Variants in VSTM2B observed in about 807,000 individuals in gnomAD.
VSTM2B encodes the protein V-set and transmembrane domain-containing protein 2B.
A neutral mutation model predicts 24.0 loss-of-function variants in VSTM2B; 24 were observed. That is an observed-to-expected ratio of 1.00 (90% CI 0.72 to 1.40). The LOEUF is 1.40. VSTM2B is among the 40% of genes most tolerant of loss of function. The pLI, the probability that VSTM2B is intolerant of heterozygous loss-of-function variation, is 0.00. For missense variants in VSTM2B, 399 were observed against 416.4 expected, an observed-to-expected ratio of 0.96 and a Z score of 0.36; for synonymous variants, 226 against 194.4, an observed-to-expected ratio of 1.16 and a Z score of -1.35.
chr19:29,527,673 G>A (rs759059483), intron 2 of VSTM2B, among the ~76,000 whole-genome samples: 1 of 152,206 alleles, frequency 6.6e-6, no homozygotes. Context: ...TCGCTTGCTC[G>A]TGCTCGCTGG....
At chr19:29,537,531 C>T (rs1969918712) in intron 4 of VSTM2B, among the ~76,000 whole-genome samples, 2 of 152,164 alleles carry the variant, frequency 1.3e-5, no homozygotes, top group Non-Finnish European at 2.9e-5. Context: ...ATTGGTTGTT[C>T]TGTTCTGTCG....
chr19:29,535,479 T>G (rs75673464), intron 4 of VSTM2B, among the ~76,000 whole-genome samples: 1,965 of 152,152 alleles, frequency 0.013, 37 homozygotes, highest in Non-Finnish European at 0.019. Flanking sequence ...GAGAGCCGGC[T>G]GGATGTGGCA....
intron 4 of VSTM2B, among the ~76,000 whole-genome samples, chr19:29,535,653 G>A (rs1031414169): frequency 3.3e-5 from 5 of 152,200 alleles, no homozygotes; most frequent in African/African-American, 7.2e-5. Flanking sequence ...ACCGTAAACC[G>A]TGACCAAAGG....
chr19:29,558,251 C>T (rs978482084), intron 4 of VSTM2B, among the ~76,000 whole-genome samples: 1 of 152,140 alleles, frequency 6.6e-6, no homozygotes, highest in Admixed American at 6.5e-5. Flanking sequence ...AGTGTTTTTA[C>T]AGTGTTGGTG....
At position 29,529,885 on chromosome 19, in the gene VSTM2B, G is replaced by A. The variant is rs527457087; in HGVS notation, c.364G>A (p.Glu122Lys). 8 of 1,550,284 alleles carry A rather than the reference G, an allele frequency of 5.2e-6. No homozygotes were observed. The highest frequency in any genetic ancestry group is 1.4e-5 in the African/African-American group (1 of 73,074). The change falls in exon 4 of 5, where the codon GAG (glutamate) becomes AAG (lysine). Residue 122 changes from glutamate to lysine, a missense_variant. Glu to Lys is a moderately conservative substitution (Grantham distance 56, BLOSUM62 1). Coordinates refer to ENST00000335523, the MANE Select transcript of VSTM2B (RefSeq NM_001146339.2). ...LRLSAVRLQD[E>K]GVYECRVSDY... ...GCTGTCTGCCGTGCGGCTGCAGGAC[G>A]AGGGCGTGTACGAGTGCCGCGTGTC...
intron 4 of VSTM2B, among the ~76,000 whole-genome samples, chr19:29,541,558 G>GGAT (rs1970017948): frequency 6.6e-6 from 1 of 152,002 alleles, no homozygotes; most frequent in African/African-American, 2.4e-5. Context: ...GTGGAAGGAA[G>GGAT]GATGAATGGA....
At chr19:29,533,062 G>A (rs1046971980) in intron 4 of VSTM2B, among the ~76,000 whole-genome samples, 1 of 152,168 alleles carries the variant, frequency 6.6e-6, no homozygotes, top group Non-Finnish European at 1.5e-5. Flanking sequence ...GGCCATGGAG[G>A]CTGAATGAGA....
chr19:29,553,430 C>G (rs1165582556), intron 4 of VSTM2B, among the ~76,000 whole-genome samples: 1 of 152,210 alleles, frequency 6.6e-6, no homozygotes, highest in Non-Finnish European at 1.5e-5. Flanking sequence ...CCAAAAAAGT[C>G]CCTGCAAGAA....
intron 4 of VSTM2B, among the ~76,000 whole-genome samples, chr19:29,551,463 G>C (rs527754183): frequency 6.6e-6 from 1 of 152,024 alleles, no homozygotes; most frequent in African/African-American, 2.4e-5. Context: ...ATGGTGGGGT[G>C]GGGGGCAGGG....
intron 4 of VSTM2B, among the ~76,000 whole-genome samples, chr19:29,557,645 G>C (rs1329254988): frequency 6.6e-6 from 1 of 151,538 alleles, no homozygotes; most frequent in East Asian, 1.9e-4. Context: ...GTTGCAGTGA[G>C]CTGAGATGGT....
intron 3 of VSTM2B, 117 bp from the exon 4 acceptor site, chr19:29,529,702 C>A: frequency 9.5e-7 from 1 of 1,051,142 alleles, no homozygotes; most frequent in Non-Finnish European, 1.4e-6. Flanking sequence ...TGATGGTGGG[C>A]AAACCAGGAT....
chr19:29,552,839 G>A (rs1970317507), intron 4 of VSTM2B, among the ~76,000 whole-genome samples: 3 of 152,224 alleles, frequency 2.0e-5, no homozygotes, highest in South Asian at 4.1e-4. Context: ...CACAGCAGCT[G>A]TGGCAGATCA....
chr19:29,552,691 C>T (rs569450936), intron 4 of VSTM2B, among the ~76,000 whole-genome samples: 97 of 152,338 alleles, frequency 6.4e-4, no homozygotes, highest in Non-Finnish European at 1.0e-3. Flanking sequence ...ATCACTGAGG[C>T]TGCCTGCTGC....
chr19:29,563,753 G>A, intron 4 of VSTM2B, 93 bp from the exon 5 acceptor site: 1 of 1,180,668 alleles, frequency 8.5e-7, no homozygotes. Flanking sequence ...AGTGGCCCCA[G>A]CCTGGGGAAG....
rs1969571307 is a variant in VSTM2B, at chr19:29,526,529, C to A, written c.-55C>A. 2 of 1,407,832 alleles carry A rather than the reference C, an allele frequency of 1.4e-6. No individual in the cohort carries two copies. Among genetic ancestry groups the A allele is most frequent in the Admixed American group, 2.3e-5 (1 of 43,280 alleles). The allele number at this position is 1,407,832 out of a possible 1,614,324, so 87.2% of individuals were successfully genotyped here. A position where few individuals can be genotyped will look rare whatever the true frequency, so the allele number is the denominator to read the frequency against. Reference sequence around the variant, plus strand: ...GAGCCGGAGCCGATCCGAGCCCACGCGGCCGCCGCCTCTCCGCTCCCGGGC... The same window carrying A: ...GAGCCGGAGCCGATCCGAGCCCACGAGGCCGCCGCCTCTCCGCTCCCGGGC... On this transcript the variant is annotated 5_prime_UTR_variant, in exon 1 of 5. Coordinates refer to ENST00000335523, the MANE Select transcript of VSTM2B (RefSeq NM_001146339.2). The surrounding 1 kb of genome is among the most constrained non-coding windows in gnomAD (Gnocchi z 4.1).
At chr19:29,545,164 C>A (rs148525148) in intron 4 of VSTM2B, among the ~76,000 whole-genome samples, 60 of 152,146 alleles carry the variant, frequency 3.9e-4, no homozygotes, top group Middle Eastern at 3.4e-3. Context: ...AATGGGAGGT[C>A]TCCGGGGGTC....
At chr19:29,550,594 G>A (rs1215273007) in intron 4 of VSTM2B, among the ~76,000 whole-genome samples, 1 of 152,142 alleles carries the variant, frequency 6.6e-6, no homozygotes, top group Non-Finnish European at 1.5e-5. Flanking sequence ...TTTGTCTGAA[G>A]ACGACAATGT....
rs1337419681 is a variant in VSTM2B at position 29,530,283 on chromosome 19, C to T, written c.762C>T (p.His254=). 2 of 1,499,838 alleles carry T rather than the reference C, an allele frequency of 1.3e-6. No individual in the cohort carries two copies. Among genetic ancestry groups the T allele is most frequent in the Non-Finnish European group, 1.8e-6 (2 of 1,132,136 alleles). The allele number at this position is 1,499,838 out of a possible 1,614,324, so 92.9% of individuals were successfully genotyped here. Reference sequence around the variant, plus strand: ...AGGCGGTCCTGCTGCGCCAGAGGCACGGCTCGGGTAAGGGATCGCGGAGAG... The same window carrying T: ...AGGCGGTCCTGCTGCGCCAGAGGCATGGCTCGGGTAAGGGATCGCGGAGAG... ...SGQAVLLRQR[H]GSGTGRSYTT... Residue 254 remains histidine (H), a synonymous_variant, in exon 4 of 5, where the codon CAC becomes CAT. Coordinates refer to ENST00000335523, the MANE Select transcript of VSTM2B (RefSeq NM_001146339.2).
At chr19:29,549,745 C>T (rs1377099975) in intron 4 of VSTM2B, among the ~76,000 whole-genome samples, 1 of 152,208 alleles carries the variant, frequency 6.6e-6, no homozygotes, top group Non-Finnish European at 1.5e-5. Context: ...ACTAGATGCC[C>T]TCTCCTACTC....
Sources: gnomAD v4.1 joint callset for allele counts (sites outside exome capture counted in the v4.1 genomes callset) on GRCh38, gnomAD v4.1.1 for gene constraint, Gnocchi (gnomAD v3.1) non-coding constraint, MANE v1.5 for transcripts, NCBI Gene and HGNC (gene_info 2026-07-23, HGNC 2026-07-21) for gene names.